NRCAM: variants seen among roughly 807,000 people sequenced by gnomAD.
The protein encoded by NRCAM is NgCAM-related cell adhesion molecule.
In NRCAM, 83 loss-of-function variants were observed where a neutral mutation model predicts 156.5. The ratio of observed to expected loss-of-function variants is 0.53; its 90% CI spans 0.44 to 0.64. NRCAM has a LOEUF of 0.64. Among genes scored for constraint, NRCAM ranks in the 30% least tolerant of loss-of-function variants. The probability of loss-of-function intolerance (pLI) is 0.00; values close to 1 mark genes in which losing one functional copy is unlikely to be tolerated. For synonymous variants in NRCAM, 538 were observed against 563.9 expected (o/e 0.95, Z 0.65); for missense variants, 1,417 against 1,597.3 (o/e 0.89, Z 1.92).
chr7:108,289,337 T>TA (rs1394362368), intron 3 of NRCAM, among the ~76,000 whole-genome samples: 3 of 152,276 alleles, frequency 2.0e-5, no homozygotes, highest in African/African-American at 7.2e-5. Flanking sequence ...GTGGAATGGC[T>TA]AAATCAAGCA....
intron 11 of NRCAM, among the ~76,000 whole-genome samples, chr7:108,209,916 T>C (rs2083152161): frequency 6.6e-6 from 1 of 152,188 alleles, no homozygotes; most frequent in Non-Finnish European, 1.5e-5. Context: ...AAGGAACTCT[T>C]GGAAATTTTT....
Position 108,217,409 on chromosome 7 carries a change from T to C in NRCAM, c.890+6316A>G, listed in dbSNP as rs143576036. 4.7e-3 allele frequency among the ~76,000 whole-genome samples: 719 copies of C among 152,326 alleles called. 10 individuals carry two copies. Among genetic ancestry groups the C allele is most frequent in the African/African-American group, 0.017 (692 of 41,580 alleles). On this transcript the variant is annotated intron_variant, in intron 11 of 32. Coordinates refer to ENST00000379028, the MANE Select transcript of NRCAM (RefSeq NM_001037132.4). ...GGAGGCACGGGGGTCAGGGACCCAC[T>C]TGAGGAGGCAGTCTCTCCCTTAGCA...
rs546657133 is a variant in NRCAM at position 108,391,889 on chromosome 7, G to A, written c.-174+7547C>T. Among the ~76,000 whole-genome samples, 14 of 152,196 alleles carry A rather than the reference G, an allele frequency of 9.2e-5. No individual in the cohort carries two copies. In the South Asian group the frequency reaches 2.9e-3, roughly 32 times the overall value. On this transcript the variant is annotated intron_variant, in intron 2 of 32. Coordinates refer to ENST00000379028, the MANE Select transcript of NRCAM (RefSeq NM_001037132.4). Reference sequence around the variant, plus strand: ...GTTGAAAATTCTTTTCTTTAAGAATGTTGAATATTGGCCCCACTCTCTTCT... The same window carrying A: ...GTTGAAAATTCTTTTCTTTAAGAATATTGAATATTGGCCCCACTCTCTTCT...
intron 3 of NRCAM, among the ~76,000 whole-genome samples, chr7:108,249,495 T>C (rs962100575): frequency 6.6e-6 from 1 of 152,244 alleles, no homozygotes; most frequent in Non-Finnish European, 1.5e-5. Flanking sequence ...ATACAGGCTA[T>C]GTGAATATCT....
chr7:108,339,543 G>C (rs1414253055), intron 2 of NRCAM, among the ~76,000 whole-genome samples: 1 of 152,180 alleles, frequency 6.6e-6, no homozygotes, highest in Non-Finnish European at 1.5e-5. Context: ...TCACCCCTGA[G>C]CACAAAGGCA....
At chr7:108,207,819 C>T (rs1354820617) in intron 12 of NRCAM, among the ~76,000 whole-genome samples, 160 bp from the exon 13 acceptor site, 1 of 152,112 alleles carries the variant, frequency 6.6e-6, no homozygotes, top group Non-Finnish European at 1.5e-5. Flanking sequence ...TCAAAGAACA[C>T]TTAAGATTTT....
At chr7:108,380,126 A>G (rs1186982912) in intron 2 of NRCAM, among the ~76,000 whole-genome samples, 1 of 152,220 alleles carries the variant, frequency 6.6e-6, no homozygotes, top group Non-Finnish European at 1.5e-5. Flanking sequence ...AAAATTCAAA[A>G]CAATCCAAAG....
chr7:108,208,916 T>A (rs1003338354), intron 12 of NRCAM, among the ~76,000 whole-genome samples: 1 of 152,184 alleles, frequency 6.6e-6, no homozygotes, highest in Admixed American at 6.5e-5. Flanking sequence ...AAAGTTACTA[T>A]TTCCCTGGAT....
Position 108,194,295 on chromosome 7 carries a change from T to C in NRCAM, c.1597A>G (p.Met533Val), listed in dbSNP as rs762465882. 3 of 1,612,702 alleles carry C rather than the reference T, an allele frequency of 1.9e-6. No homozygotes were observed. The highest frequency in any genetic ancestry group is 2.5e-6 in the Non-Finnish European group (3 of 1,179,018). ...YTCVARNKLG[M>V]AKNEVHLEIK... is the part of the protein sequence containing the mutation. ...TCTAAGTGAACTTCATTCTTCGCCATCCCTAATTTATTCCTTGCAACACAC... is the reference window on the plus strand; with the variant it reads ...TCTAAGTGAACTTCATTCTTCGCCACCCCTAATTTATTCCTTGCAACACAC... Residue 533 changes from methionine to valine, a missense_variant, in exon 16 of 33, where the codon ATG becomes GTG. By Grantham distance (21) the Met-to-Val change is conservative (BLOSUM62 1). Transcript: ENST00000379028.
chr7:108,412,269 A>G (rs372850556), intron 1 of NRCAM, among the ~76,000 whole-genome samples: 5 of 138,586 alleles, frequency 3.6e-5, no homozygotes, highest in Non-Finnish European at 4.8e-5. Context: ...AAAAAAAAAA[A>G]CCCAAAAAAC....
intron 3 of NRCAM, among the ~76,000 whole-genome samples, chr7:108,244,500 T>C (rs557031047): frequency 1.3e-5 from 2 of 152,322 alleles, no homozygotes; most frequent in East Asian, 1.9e-4. Flanking sequence ...GCTGTGCTTT[T>C]CAATCACAGA....
chr7:108,257,312 C>T (rs2096722074), intron 3 of NRCAM, among the ~76,000 whole-genome samples: 1 of 152,156 alleles, frequency 6.6e-6, no homozygotes, highest in African/African-American at 2.4e-5. Flanking sequence ...CACCAAACTA[C>T]ACTTAAGATG....
chr7:108,322,867 TAAAC>T (rs918168047), intron 2 of NRCAM, among the ~76,000 whole-genome samples: 5 of 152,204 alleles, frequency 3.3e-5, no homozygotes, highest in Non-Finnish European at 7.4e-5. Flanking sequence ...TAGCCTGTCT[TAAAC>T]AAACCATTAT....
intron 11 of NRCAM, among the ~76,000 whole-genome samples, chr7:108,213,704 C>T (rs575491318): frequency 5.5e-4 from 84 of 152,242 alleles, no homozygotes; most frequent in African/African-American, 1.7e-3. Context: ...AAGGCCTTGT[C>T]GAACAGGAAA....
At chr7:108,158,966 T>A (rs1177049190) in intron 32 of NRCAM, among the ~76,000 whole-genome samples, 1 of 152,182 alleles carries the variant, frequency 6.6e-6, no homozygotes, top group East Asian at 1.9e-4. Flanking sequence ...TCTTAATAAG[T>A]AACAGCTTGT....
intron 3 of NRCAM, among the ~76,000 whole-genome samples, chr7:108,243,489 T>G (rs2153822480): frequency 6.6e-6 from 1 of 152,336 alleles, no homozygotes. Context: ...AAAATGATGG[T>G]CATTCTTCAT....
intron 3 of NRCAM, among the ~76,000 whole-genome samples, chr7:108,311,175 T>A (rs561596933): frequency 4.6e-5 from 7 of 152,322 alleles, no homozygotes; most frequent in African/African-American, 1.7e-4. Context: ...TCTTACTACC[T>A]TATAGATATC....
chr7:108,191,926 A>G (rs1183629265), intron 17 of NRCAM, 73 bp from the exon 18 acceptor site: 4 of 1,502,162 alleles, frequency 2.7e-6, no homozygotes, highest in African/African-American at 1.4e-5. Flanking sequence ...CACTGGCAGG[A>G]AAAAAACTGT....
intron 11 of NRCAM, among the ~76,000 whole-genome samples, chr7:108,210,995 T>C (rs1266469850): frequency 1.3e-5 from 2 of 152,136 alleles, no homozygotes; most frequent in East Asian, 1.9e-4. Flanking sequence ...GAGGCTTGCA[T>C]CGTGAATTTT....
Sources: gnomAD v4.1 joint callset for allele counts (sites outside exome capture counted in the v4.1 genomes callset) on GRCh38, gnomAD v4.1.1 for gene constraint, MANE v1.5 for transcripts, NCBI Gene and HGNC (gene_info 2026-07-23, HGNC 2026-07-21) for gene names.